AATF: variants seen among roughly 807,000 people sequenced by gnomAD.
The protein encoded by AATF is apoptosis antagonizing transcription factor.
A neutral mutation model predicts 63.7 loss-of-function variants in AATF; 48 were observed. That is an observed-to-expected ratio of 0.75 (90% CI 0.60 to 0.96). The LOEUF is 0.96. Ranked by LOEUF, AATF falls within the 40% of genes least tolerant of loss-of-function variation. The pLI is 0.00. For missense variants in AATF, 639 were observed against 685.7 expected, an observed-to-expected ratio of 0.93 and a Z score of 0.76; for synonymous variants, 258 against 247.7, an observed-to-expected ratio of 1.04 and a Z score of -0.39.
At chr17:37,017,339 A>ATTT (rs1180656941) in intron 8 of AATF, among the ~76,000 whole-genome samples, 4 of 151,700 alleles carry the variant, frequency 2.6e-5, no homozygotes, top group African/African-American at 9.7e-5. Flanking sequence ...CTTTATTATT[A>ATTT]TTAACCACTC....
intron 11 of AATF, among the ~76,000 whole-genome samples, chr17:37,053,403 T>C (rs2071770477): frequency 6.6e-6 from 1 of 152,200 alleles, no homozygotes; most frequent in Non-Finnish European, 1.5e-5. Flanking sequence ...TTTCAATTTT[T>C]TGAATTTTAA....
intron 4 of AATF, among the ~76,000 whole-genome samples, chr17:36,955,768 T>A (rs1425224243): frequency 6.6e-6 from 1 of 152,146 alleles, no homozygotes; most frequent in Non-Finnish European, 1.5e-5. Flanking sequence ...ACGATTTAAT[T>A]TCTTTTTGTT....
chr17:37,024,888 G>A (rs1335993937), intron 10 of AATF, among the ~76,000 whole-genome samples: 1 of 152,108 alleles, frequency 6.6e-6, no homozygotes, highest in African/African-American at 2.4e-5. Context: ...GAACCAGAGA[G>A]GCAGAGGTTT....
At chr17:36,968,226 T>G (rs1262841701) in intron 4 of AATF, among the ~76,000 whole-genome samples, 3 of 134,990 alleles carry the variant, frequency 2.2e-5, no homozygotes, top group Non-Finnish European at 3.0e-5. Flanking sequence ...TTTTAAAATT[T>G]TCTTCTATTT....
intron 11 of AATF, among the ~76,000 whole-genome samples, chr17:37,044,680 C>T (rs999978902): frequency 9.2e-5 from 14 of 152,100 alleles, no homozygotes; most frequent in African/African-American, 2.9e-4. Flanking sequence ...ATTCTTGCGT[C>T]CAGAGGAATT....
intron 11 of AATF, among the ~76,000 whole-genome samples, chr17:37,032,075 G>A (rs2071556005): frequency 1.3e-5 from 2 of 152,134 alleles, no homozygotes; most frequent in Non-Finnish European, 2.9e-5. Flanking sequence ...ATTTGTTGGG[G>A]ATTGTGAGTG....
At chr17:37,009,783 G>T (rs1272149437) in intron 8 of AATF, among the ~76,000 whole-genome samples, 1 of 133,196 alleles carries the variant, frequency 7.5e-6, no homozygotes, top group Non-Finnish European at 1.5e-5. Flanking sequence ...CGCCACTGCA[G>T]TCCGCAGTCT....
chr17:36,973,267 T>G (rs1227524106), intron 4 of AATF, among the ~76,000 whole-genome samples: 1 of 152,162 alleles, frequency 6.6e-6, no homozygotes, highest in Non-Finnish European at 1.5e-5. Context: ...AATCCTTTTT[T>G]TAAAGGATTT....
intron 4 of AATF, among the ~76,000 whole-genome samples, chr17:36,968,747 G>A (rs1043819858): frequency 4.0e-5 from 6 of 151,562 alleles, no homozygotes; most frequent in African/African-American, 1.2e-4. Context: ...TTAGCCTCCT[G>A]AGTAGCTAGG....
rs759748313 is a variant in AATF at position 36,988,614 on chromosome 17, A to G, written c.1043A>G (p.Tyr348Cys). The G allele has an allele frequency of 2.3e-5, 37 of 1,614,072 alleles. No homozygotes were observed. In the South Asian group the frequency reaches 3.7e-4, roughly 16 times the overall value. Residue 348 changes from tyrosine to cysteine, a missense_variant, in exon 6 of 12, where the codon TAT becomes TGT. By Grantham distance (194) the Tyr-to-Cys change is radical. Transcript: ENST00000619387. The stretch of plus-strand genomic sequence containing the variant: ...AAGAGGAAGCTGGAGATGGAGGACT[A>G]TCCCAGCTTCATGGCAAAGCGCTTT... ...PAKRKLEMEDYPSFMAKRFAD... is the reference protein window; with the variant it reads ...PAKRKLEMEDCPSFMAKRFAD...
Position 36,949,233 on chromosome 17 carries a change from G to GT in AATF, c.91+17_91+18insT, listed in dbSNP as rs1567961025. On this transcript the variant is annotated intron_variant, in intron 1 of 11. Transcript: ENST00000619387. ...CCGAGGAAGGTGAGGCCGGACTGGGGCAGGCCACGTGCGGAGCGGTGGGCC... is the reference window on the plus strand; with the variant it reads ...CCGAGGAAGGTGAGGCCGGACTGGGGTCAGGCCACGTGCGGAGCGGTGGGCC... 19 of 1,576,734 alleles carry GT rather than the reference G, an allele frequency of 1.2e-5. No individual in the cohort carries two copies. Among genetic ancestry groups the GT allele is most frequent in the Middle Eastern group, 3.3e-4 (2 of 5,996 alleles).
At chr17:37,027,936 A>G (rs1202196914) in intron 10 of AATF, among the ~76,000 whole-genome samples, 1 of 152,200 alleles carries the variant, frequency 6.6e-6, no homozygotes, top group Non-Finnish European at 1.5e-5. Context: ...ATGGACACTG[A>G]AGTTTAGTGA....
At chr17:37,053,094 G>A (rs1019508723) in intron 11 of AATF, among the ~76,000 whole-genome samples, 6 of 152,056 alleles carry the variant, frequency 3.9e-5, no homozygotes, top group Non-Finnish European at 7.4e-5. Flanking sequence ...ATTTCTCAGT[G>A]CTTATGTCTA....
At chr17:36,949,901 AGT>A (rs1363756002) in intron 1 of AATF, among the ~76,000 whole-genome samples, 2 of 152,252 alleles carry the variant, frequency 1.3e-5, no homozygotes, top group African/African-American at 4.8e-5. Flanking sequence ...AATGGGACAG[AGT>A]GAGGGGAGAA....
intron 4 of AATF, among the ~76,000 whole-genome samples, chr17:36,981,691 T>G (rs1460357519): frequency 7.1e-6 from 1 of 141,378 alleles, no homozygotes; most frequent in Non-Finnish European, 1.5e-5. Flanking sequence ...CTTCTTCTTC[T>G]TCTTTCTTTT....
chr17:37,016,234 A>G (rs1450028874), intron 8 of AATF, among the ~76,000 whole-genome samples: 2 of 152,204 alleles, frequency 1.3e-5, no homozygotes, highest in East Asian at 1.9e-4. Flanking sequence ...TTATTCCTCA[A>G]CTGTCTCTTA....
chr17:37,034,356 ATCC>A (rs1435197723), intron 11 of AATF, among the ~76,000 whole-genome samples: 1 of 152,132 alleles, frequency 6.6e-6, no homozygotes, highest in Admixed American at 6.5e-5. Flanking sequence ...GTAATAGCTT[ATCC>A]TCCTTTGTTT....
intron 5 of AATF, among the ~76,000 whole-genome samples, chr17:36,987,138 C>T (rs887030446): frequency 1.3e-5 from 2 of 149,812 alleles, no homozygotes; most frequent in African/African-American, 5.0e-5. Flanking sequence ...CAGGCACTTG[C>T]CACCATGCCT....
At chr17:37,040,877 A>G (rs2071632997) in intron 11 of AATF, among the ~76,000 whole-genome samples, 1 of 152,236 alleles carries the variant, frequency 6.6e-6, no homozygotes, top group East Asian at 1.9e-4. Context: ...TTCTGGTTAC[A>G]AAGACCTTAG....
Sources: gnomAD v4.1 joint callset for allele counts (sites outside exome capture counted in the v4.1 genomes callset) on GRCh38, gnomAD v4.1.1 for gene constraint, MANE v1.5 for transcripts, NCBI Gene and HGNC (gene_info 2026-07-23, HGNC 2026-07-21) for gene names.